The following TRPC5 variants were observed in gnomAD, a reference collection of about 807,000 sequenced individuals.
TRPC5 encodes transient receptor potential cation channel subfamily C member 5.
In TRPC5, 9 loss-of-function variants were observed where a neutral mutation model predicts 56.5. The ratio of observed to expected loss-of-function variants is 0.16; its 90% CI spans 0.10 to 0.28. TRPC5 has a LOEUF of 0.28. Among genes scored for constraint, TRPC5 ranks in the 10% least tolerant of loss-of-function variants. TRPC5 has a pLI of 1.00. For missense variants in TRPC5, 469 were observed against 748.9 expected (o/e 0.63, Z 4.36); for synonymous variants, 282 against 278.5 (o/e 1.01, Z -0.13).
chrX:111,866,655 A>ATGTCAGGTTCTCTT (rs1362937431), intron 3 of TRPC5, among the ~76,000 whole-genome samples: 1 of 112,505 alleles, frequency 8.9e-6, no homozygotes, highest in East Asian at 2.8e-4. Flanking sequence ...GATAGGAAAA[A>ATGTCAGGTTCTCTT]TGTCAGGTTC....
At chrX:111,816,491 C>T (rs1471109196) in intron 7 of TRPC5, among the ~76,000 whole-genome samples, 1 of 112,130 alleles carries the variant, frequency 8.9e-6, no homozygotes, top group Non-Finnish European at 1.9e-5. Flanking sequence ...GATCTAACCT[C>T]TGACCCACTC....
chrX:112,006,158 C>T (rs1928838388), intron 1 of TRPC5, among the ~76,000 whole-genome samples: 1 of 111,082 alleles, frequency 9.0e-6, no homozygotes, highest in African/African-American at 3.3e-5. Flanking sequence ...AGCTCAACAA[C>T]ATGCAAATTA....
rs147623900 is a variant in TRPC5, at chrX:111,921,046, A to G, written c.379-8234T>C. ...TTTCTTATTGGGTGGAATATAATTG[A>G]TTATTGCCTTGTGGATATAGACTAC... On this transcript the variant is annotated intron_variant, in intron 2 of 10. Transcript: ENST00000262839. Among the ~76,000 whole-genome samples the G allele has an allele frequency of 3.7e-4, 42 of 112,118 alleles. No individual in the cohort carries two copies. In the East Asian group the frequency reaches 7.5e-3, roughly 20 times the overall value.
intron 1 of TRPC5, among the ~76,000 whole-genome samples, chrX:112,058,797 C>CT (rs1273696205): frequency 1.8e-5 from 2 of 111,798 alleles, no homozygotes; most frequent in East Asian, 5.6e-4. Context: ...TTTTAATAAT[C>CT]TTTTTGAGTA....
chrX:112,015,269 T>G (rs1334831208), intron 1 of TRPC5, among the ~76,000 whole-genome samples: 1 of 111,618 alleles, frequency 9.0e-6, no homozygotes, highest in African/African-American at 3.3e-5. Context: ...TCTCTAACTC[T>G]AGATTCGGTG....
At chrX:111,839,072 C>T (rs1922649903) in intron 6 of TRPC5, among the ~76,000 whole-genome samples, 1 of 111,846 alleles carries the variant, frequency 8.9e-6, no homozygotes, top group Non-Finnish European at 1.9e-5. Context: ...TGGTATCACC[C>T]TTACCCATTC....
At chrX:111,787,777 A>G (rs1489459206) in intron 7 of TRPC5, among the ~76,000 whole-genome samples, 1 of 111,807 alleles carries the variant, frequency 8.9e-6, no homozygotes, top group Non-Finnish European at 1.9e-5. Flanking sequence ...AGGGAATACT[A>G]TAAACACCTC....
chrX:111,946,839 A>G (rs1330355229), intron 2 of TRPC5, among the ~76,000 whole-genome samples: 1 of 112,456 alleles, frequency 8.9e-6, no homozygotes, highest in Non-Finnish European at 1.9e-5. Flanking sequence ...AAGGCTAGAC[A>G]ATAGTACAAA....
intron 2 of TRPC5, among the ~76,000 whole-genome samples, chrX:111,928,574 C>T (rs908158560): frequency 8.9e-6 from 1 of 111,941 alleles, no homozygotes; most frequent in Non-Finnish European, 1.9e-5. Context: ...GTATACCTTT[C>T]GCTGTTGTCA....
intron 1 of TRPC5, among the ~76,000 whole-genome samples, chrX:112,050,365 A>G (rs1312908925): frequency 1.8e-5 from 2 of 112,615 alleles, no homozygotes; most frequent in Non-Finnish European, 3.7e-5. Flanking sequence ...GTATGACATG[A>G]AAGACAAAGT....
At chrX:111,786,985 T>C (rs1945971916) in intron 7 of TRPC5, among the ~76,000 whole-genome samples, 1 of 110,819 alleles carries the variant, frequency 9.0e-6, no homozygotes, top group African/African-American at 3.3e-5. Flanking sequence ...TACACCCCAC[T>C]GTCAATATTA....
At position 111,970,052 on chromosome X, in the gene TRPC5, A is replaced by T. The variant is rs779496931; in HGVS notation, c.-21-17611T>A. Among the ~76,000 whole-genome samples, 3 of 110,966 alleles carry T rather than the reference A, an allele frequency of 2.7e-5. No homozygotes were observed. In the East Asian group the frequency reaches 8.5e-4, roughly 31 times the overall value. Reference sequence around the variant, plus strand: ...GAAGATAAAACAAGCCTTGTTAGTGAATAAACTCTAGAGAATGAGGCATAG... The same window carrying T: ...GAAGATAAAACAAGCCTTGTTAGTGTATAAACTCTAGAGAATGAGGCATAG... On this transcript the variant is annotated intron_variant, in intron 1 of 10. Transcript: ENST00000262839.
At chrX:111,885,450 T>C (rs1924436621) in intron 3 of TRPC5, among the ~76,000 whole-genome samples, 1 of 111,025 alleles carries the variant, frequency 9.0e-6, no homozygotes, top group East Asian at 2.8e-4. Flanking sequence ...CTAGTTTTCC[T>C]AAGATTTTCT....
intron 3 of TRPC5, among the ~76,000 whole-genome samples, chrX:111,909,809 A>T: frequency 8.9e-6 from 1 of 111,755 alleles, no homozygotes; most frequent in Middle Eastern, 4.6e-3. Context: ...CAGCAAAAGG[A>T]CTAAAAGAAA....
intron 7 of TRPC5, among the ~76,000 whole-genome samples, chrX:111,790,652 T>C (rs1946012133): frequency 1.8e-5 from 2 of 111,196 alleles, no homozygotes; most frequent in Non-Finnish European, 3.8e-5. Flanking sequence ...GTGACTGTCT[T>C]GCTAAAGAAA....
At chrX:112,038,822 C>T (rs1287765132) in intron 1 of TRPC5, among the ~76,000 whole-genome samples, 6 of 107,283 alleles carry the variant, frequency 5.6e-5, no homozygotes, top group Non-Finnish European at 1.2e-4. Context: ...GCTGGGACTA[C>T]AGGCGCCCAC....
intron 1 of TRPC5, among the ~76,000 whole-genome samples, chrX:112,015,079 GC>G (rs1387527332): frequency 9.8e-6 from 1 of 101,796 alleles, no homozygotes; most frequent in East Asian, 3.1e-4. Context: ...TGGCTCTGTT[GC>G]CCAGGCAGGA....
chrX:112,066,410 G>A lies in TRPC5; in HGVS notation c.-22+15469C>T, dbSNP rs930238666. On this transcript the variant is annotated intron_variant, in intron 1 of 10. Coordinates refer to ENST00000262839, the MANE Select transcript of TRPC5 (RefSeq NM_012471.3). ...GGTGAACCAGAAAGGTCTGGCCCTGGCCTTCATGGTGCCTACCATCAATGC... is the reference window on the plus strand; with the variant it reads ...GGTGAACCAGAAAGGTCTGGCCCTGACCTTCATGGTGCCTACCATCAATGC... 2.7e-5 allele frequency among the ~76,000 whole-genome samples: 3 copies of A among 111,895 alleles called. No homozygotes were observed. In the Admixed American group the frequency reaches 2.8e-4, roughly 11 times the overall value.
intron 1 of TRPC5, among the ~76,000 whole-genome samples, chrX:112,032,521 C>A (rs1025270711): frequency 8.9e-6 from 1 of 112,028 alleles, no homozygotes; most frequent in African/African-American, 3.2e-5. Flanking sequence ...ATACATAAAT[C>A]CATTGATGGG....
Sources: allele counts gnomAD v4.1 joint callset (sites outside exome capture counted in the v4.1 genomes callset), GRCh38; gene constraint gnomAD v4.1.1; transcripts MANE v1.5; gene names NCBI Gene and HGNC (gene_info 2026-07-23, HGNC 2026-07-21).